Variants in DARS1 observed in about 807,000 individuals in gnomAD.
DARS1 encodes aspartate--tRNA ligase, cytoplasmic.
A neutral mutation model predicts 68.8 loss-of-function variants in DARS1; 51 were observed. The observed-to-expected ratio is 0.74, with a 90% confidence interval of 0.59 to 0.94. The LOEUF (loss-of-function observed/expected upper bound fraction) is 0.94, where lower values mean the gene tolerates loss of function less well. Ranked by LOEUF, DARS1 falls within the 40% of genes least tolerant of loss-of-function variation. The pLI is 0.00. For missense variants in DARS1, 607 were observed against 597.3 expected, an observed-to-expected ratio of 1.02 and a Z score of -0.17; for synonymous variants, 203 against 190.4, an observed-to-expected ratio of 1.07 and a Z score of -0.55.
intron 5 of DARS1, among the ~76,000 whole-genome samples, chr2:135,941,995 C>T (rs1256658139): frequency 6.6e-6 from 1 of 152,140 alleles, no homozygotes; most frequent in Non-Finnish European, 1.5e-5. Flanking sequence ...ATTAAAAAGT[C>T]AGGAAACAAC....
chr2:135,968,840 T>C (rs1403395621), intron 3 of DARS1, among the ~76,000 whole-genome samples: 3 of 151,982 alleles, frequency 2.0e-5, no homozygotes, highest in African/African-American at 7.3e-5. Context: ...TTTTGTATTT[T>C]TAGTAGAGAT....
intron 3 of DARS1, among the ~76,000 whole-genome samples, chr2:135,967,649 T>C (rs1682266142): frequency 6.6e-6 from 1 of 152,160 alleles, no homozygotes; most frequent in African/African-American, 2.4e-5. Context: ...ATACAGGCTT[T>C]TCTTGTTTTG....
rs1680805312 is a variant in DARS1, at chr2:135,907,261, T to TTTTTTTTTTTTTTTTG, written c.*54_*55insCAAAAAAAAAAAAAAA. 4.3e-5 allele frequency: 38 copies of TTTTTTTTTTTTTTTTG among 889,234 alleles called. No homozygotes were observed. Among genetic ancestry groups the TTTTTTTTTTTTTTTTG allele is most frequent in the East Asian group, 6.2e-5 (2 of 32,216 alleles). 55.1% of individuals were successfully genotyped at this position (889,234 alleles called of 1,614,324 possible). On this transcript the variant is annotated 3_prime_UTR_variant, in exon 16 of 16. Transcript: ENST00000264161. ...GGCTTTCTTTTTTTTTTTTTTTTTT[T>TTTTTTTTTTTTTTTTG]GAGGCAGGGTCTCGCTCTGTCATCC...
At chr2:135,960,039 C>T (rs1682067049) in intron 4 of DARS1, among the ~76,000 whole-genome samples, 1 of 151,942 alleles carries the variant, frequency 6.6e-6, no homozygotes, top group Non-Finnish European at 1.5e-5. Flanking sequence ...TTTCTAGGGA[C>T]CAAGCTCATT....
intron 7 of DARS1, among the ~76,000 whole-genome samples, chr2:135,928,176 T>C (rs114489290): frequency 2.9e-4 from 44 of 152,360 alleles, no homozygotes; most frequent in African/African-American, 9.6e-4. Context: ...CTATTTAAGT[T>C]ATCATCTTAG....
chr2:135,974,886 G>C (rs904586769), intron 3 of DARS1, among the ~76,000 whole-genome samples: 2 of 152,018 alleles, frequency 1.3e-5, no homozygotes, highest in Admixed American at 1.3e-4. Flanking sequence ...ATATATAAAA[G>C]AAGTTCAAAA....
intron 3 of DARS1, among the ~76,000 whole-genome samples, chr2:135,974,248 T>A (rs114162105): frequency 9.0e-4 from 137 of 152,348 alleles, no homozygotes; most frequent in African/African-American, 3.0e-3. Flanking sequence ...TCTGCACATG[T>A]ACAGGTCTGG....
At chr2:135,926,895 T>A (rs1178149529) in intron 7 of DARS1, among the ~76,000 whole-genome samples, 1 of 151,944 alleles carries the variant, frequency 6.6e-6, no homozygotes, top group African/African-American at 2.4e-5. Flanking sequence ...CTAAGCAGAC[T>A]GCATCAGAGT....
intron 3 of DARS1, among the ~76,000 whole-genome samples, chr2:135,970,419 C>A (rs1350496810): frequency 6.6e-6 from 1 of 151,760 alleles, no homozygotes; most frequent in Non-Finnish European, 1.5e-5. Flanking sequence ...TTAAGGAAAT[C>A]AAAAAATTTC....
At chr2:135,985,304 C>A in intron 1 of DARS1, 99 bp downstream of exon 1, 1 of 1,473,338 alleles carries the variant, frequency 6.8e-7, no homozygotes, top group East Asian at 2.4e-5. Context: ...GAGAACGTGC[C>A]GACAAGGACC....
At chr2:135,959,819 G>A (rs1682062856) in intron 4 of DARS1, among the ~76,000 whole-genome samples, 1 of 152,108 alleles carries the variant, frequency 6.6e-6, no homozygotes, top group South Asian at 2.1e-4. Context: ...AGGTTATAAT[G>A]CAGTTTAATG....
chr2:135,981,278 AG>A (rs963398769), intron 2 of DARS1, among the ~76,000 whole-genome samples: 1 of 152,208 alleles, frequency 6.6e-6, no homozygotes, highest in Non-Finnish European at 1.5e-5. Flanking sequence ...TTACAGCTCA[AG>A]GAAGTACAGT....
intron 4 of DARS1, among the ~76,000 whole-genome samples, chr2:135,955,850 T>A (rs1351583730): frequency 6.6e-6 from 1 of 151,976 alleles, no homozygotes; most frequent in Non-Finnish European, 1.5e-5. Context: ...GTAGAGATGA[T>A]GTTTCACCAT....
intron 4 of DARS1, among the ~76,000 whole-genome samples, chr2:135,960,483 T>C (rs1682076040): frequency 1.3e-5 from 2 of 152,190 alleles, no homozygotes; most frequent in Admixed American, 1.3e-4. Context: ...TCCATCTGTA[T>C]TAACTCATTC....
chr2:135,929,943 C>T (rs1459089075), intron 7 of DARS1, among the ~76,000 whole-genome samples: 1 of 152,070 alleles, frequency 6.6e-6, no homozygotes, highest in African/African-American at 2.4e-5. Flanking sequence ...GTATGTTGTG[C>T]CTGACTGGGG....
chr2:135,954,299 CAAAAACAAAACCAA>C (rs1196522697), intron 4 of DARS1, among the ~76,000 whole-genome samples: 16 of 20,230 alleles, frequency 7.9e-4, no homozygotes, highest in East Asian at 3.5e-3. Flanking sequence ...CACCTGAAAA[CAAAAACAAAACCAA>C]AAAAACAAAA....
At chr2:135,916,727 T>C (rs1468039147) in intron 10 of DARS1, among the ~76,000 whole-genome samples, 1 of 152,198 alleles carries the variant, frequency 6.6e-6, no homozygotes, top group East Asian at 1.9e-4. Context: ...TGAGTATTTG[T>C]CTTATCTTCC....
At chr2:135,934,041 C>T in intron 5 of DARS1, 51 bp from the exon 6 acceptor site, 2 of 1,581,922 alleles carry the variant, frequency 1.3e-6, no homozygotes, top group Non-Finnish European at 1.7e-6. Context: ...AAATCTGCAT[C>T]TTTTTCTTAA....
At chr2:135,982,547 G>A (rs1375980263) in intron 2 of DARS1, among the ~76,000 whole-genome samples, 1 of 150,172 alleles carries the variant, frequency 6.7e-6, no homozygotes, top group Non-Finnish European at 1.5e-5. Context: ...AGTGAGCCGA[G>A]ATCATGCCAC....
Sources: gnomAD v4.1 joint callset for allele counts (sites outside exome capture counted in the v4.1 genomes callset) on GRCh38, gnomAD v4.1.1 for gene constraint, MANE v1.5 for transcripts, NCBI Gene and HGNC (gene_info 2026-07-23, HGNC 2026-07-21) for gene names.